Variants in MGAT5 observed in about 807,000 individuals in gnomAD.
MGAT5 encodes alpha-1,6-mannosylglycoprotein 6-beta-N-acetylglucosaminyltransferase.
In MGAT5, 30 loss-of-function variants were observed where a neutral mutation model predicts 94.3. That is an observed-to-expected ratio of 0.32 (90% CI 0.24 to 0.43). The LOEUF is 0.43. Ranked by LOEUF, MGAT5 falls within the 20% of genes least tolerant of loss-of-function variation. The pLI is 1.00. For missense variants in MGAT5, 691 were observed against 905.5 expected (o/e 0.76, Z 3.04); for synonymous variants, 310 against 322.9 (o/e 0.96, Z 0.43).
chr2:134,441,724 G>C (rs1290894787), intron 14 of MGAT5, 34 bp from the exon 15 acceptor site: 13 of 1,592,788 alleles, frequency 8.2e-6, no homozygotes, highest in Non-Finnish European at 1.1e-5. Flanking sequence ...CTGTATCCTT[G>C]GACCTGTGGC....
chr2:134,381,403 T>TA (rs1558841925), intron 10 of MGAT5, among the ~76,000 whole-genome samples: 11 of 100,964 alleles, frequency 1.1e-4, no homozygotes, highest in African/African-American at 3.5e-4. Flanking sequence ...GATAGATAGA[T>TA]AGATAGATAG....
intron 11 of MGAT5, among the ~76,000 whole-genome samples, chr2:134,411,082 G>A (rs913598949): frequency 6.6e-6 from 1 of 152,188 alleles, no homozygotes; most frequent in African/African-American, 2.4e-5. Context: ...CGTGGGACTA[G>A]TACATTCCCA....
intron 4 of MGAT5, among the ~76,000 whole-genome samples, chr2:134,334,525 G>A (rs1470955713): frequency 7.7e-5 from 6 of 77,692 alleles, no homozygotes; most frequent in African/African-American, 2.9e-4. Context: ...TTTTTGCAGG[G>A]TTGGGGGTGG....
chr2:134,245,277 C>T (rs563494799), intron 1 of MGAT5, among the ~76,000 whole-genome samples: 5 of 152,288 alleles, frequency 3.3e-5, no homozygotes, highest in Admixed American at 1.3e-4. Flanking sequence ...TCCCAAAGTG[C>T]GGATTACAGG....
chr2:134,381,382 TTAGATAGATAGA>T (rs61246431), intron 10 of MGAT5, among the ~76,000 whole-genome samples: 19 of 108,572 alleles, frequency 1.7e-4, no homozygotes, highest in South Asian at 3.2e-4. Context: ...ATAAGATAGA[TTAGATAGATAGA>T]TAGATAGATA....
intron 2 of MGAT5, among the ~76,000 whole-genome samples, chr2:134,301,029 C>T (rs1199108278): frequency 2.0e-5 from 3 of 152,100 alleles, no homozygotes; most frequent in African/African-American, 7.2e-5. Context: ...ATTCAGTCTG[C>T]ATCCCCCATA....
chr2:134,400,585 A>T (rs1345909000), intron 10 of MGAT5, among the ~76,000 whole-genome samples: 1 of 152,088 alleles, frequency 6.6e-6, no homozygotes, highest in African/African-American at 2.4e-5. Flanking sequence ...GTACCTTGTT[A>T]CTTTCCCAGG....
chr2:134,383,198 G>A (rs1197915824), intron 10 of MGAT5, among the ~76,000 whole-genome samples: 1 of 152,036 alleles, frequency 6.6e-6, no homozygotes, highest in Non-Finnish European at 1.5e-5. Flanking sequence ...GTGATACATG[G>A]GTATCACTTT....
intron 14 of MGAT5, among the ~76,000 whole-genome samples, chr2:134,439,334 A>G (rs1685345129): frequency 6.6e-6 from 1 of 152,216 alleles, no homozygotes; most frequent in Non-Finnish European, 1.5e-5. Flanking sequence ...ATGTGCTCTC[A>G]GGGCCAGCTG....
intron 14 of MGAT5, among the ~76,000 whole-genome samples, chr2:134,434,679 C>G (rs1685073218): frequency 6.6e-6 from 1 of 151,918 alleles, no homozygotes; most frequent in Admixed American, 6.6e-5. Context: ...AACTTCCATA[C>G]AGCCTACAAA....
intron 11 of MGAT5, among the ~76,000 whole-genome samples, chr2:134,408,121 G>A (rs1683447417): frequency 6.6e-6 from 1 of 152,152 alleles, no homozygotes; most frequent in African/African-American, 2.4e-5. Context: ...TCGTAAATAA[G>A]CCTGTTTTGC....
intron 1 of MGAT5, among the ~76,000 whole-genome samples, chr2:134,145,990 A>G (rs1011272488): frequency 2.6e-4 from 39 of 152,086 alleles, no homozygotes; most frequent in African/African-American, 8.9e-4. Context: ...GGTGTCCTTG[A>G]TTTTGGTTAG....
intron 2 of MGAT5, among the ~76,000 whole-genome samples, chr2:134,301,358 A>T (rs1686008132): frequency 6.6e-6 from 1 of 152,094 alleles, no homozygotes; most frequent in South Asian, 2.1e-4. Flanking sequence ...TTTTTTTCTA[A>T]GTAGTAGATT....
intron 1 of MGAT5, among the ~76,000 whole-genome samples, chr2:134,256,530 T>G (rs1573627919): frequency 6.6e-6 from 1 of 152,246 alleles, no homozygotes; most frequent in Non-Finnish European, 1.5e-5. Context: ...CTGTTTGTAT[T>G]TCTTGTGTAT....
intron 1 of MGAT5, among the ~76,000 whole-genome samples, chr2:134,218,624 A>G (rs1680610675): frequency 6.6e-6 from 1 of 152,046 alleles, no homozygotes; most frequent in Non-Finnish European, 1.5e-5. Flanking sequence ...GCTTGGTTCT[A>G]AGAAGGAAGT....
intron 1 of MGAT5, among the ~76,000 whole-genome samples, chr2:134,244,896 C>CA (rs1235306833): frequency 6.6e-5 from 10 of 152,266 alleles, no homozygotes; most frequent in Admixed American, 3.3e-4. Context: ...CTTCCCACAA[C>CA]AAAAAAATTA....
chr2:134,178,442 T>C (rs1688583274), intron 1 of MGAT5, among the ~76,000 whole-genome samples: 1 of 152,078 alleles, frequency 6.6e-6, no homozygotes, highest in South Asian at 2.1e-4. Context: ...GCTGTCTCCC[T>C]AGAGAAGGTT....
chr2:134,236,323 A>G (rs1443782806), intron 1 of MGAT5, among the ~76,000 whole-genome samples: 1 of 152,184 alleles, frequency 6.6e-6, no homozygotes, highest in African/African-American at 2.4e-5. Context: ...GATGAGACCC[A>G]GTTTAGGCCA....
intron 1 of MGAT5, among the ~76,000 whole-genome samples, chr2:134,185,528 AT>A (rs1334675178): frequency 6.6e-6 from 1 of 152,160 alleles, no homozygotes; most frequent in East Asian, 1.9e-4. Flanking sequence ...TTTTTACGTG[AT>A]TACTGTGCAG....
Sources: gnomAD v4.1 joint callset for allele counts (sites outside exome capture counted in the v4.1 genomes callset) on GRCh38, gnomAD v4.1.1 for gene constraint, MANE v1.5 for transcripts, NCBI Gene and HGNC (gene_info 2026-07-23, HGNC 2026-07-21) for gene names.